Variants in WWC2 observed in about 807,000 individuals in gnomAD.
The protein encoded by WWC2 is WW and C2 domain containing 2, also known as protein WWC2.
WWC2 carries 101 observed loss-of-function variants against 138.5 expected under a neutral mutation model. The ratio of observed to expected loss-of-function variants is 0.73; its 90% CI spans 0.62 to 0.86. The LOEUF is 0.86. WWC2 is among the 40% of genes least tolerant of loss of function. The pLI is 0.00. For missense variants in WWC2, 1,420 were observed against 1,419.4 expected (o/e 1.00, Z -0.01); for synonymous variants, 558 against 538.4 (o/e 1.04, Z -0.50).
chr4:183,239,392 A>T (rs962004855), intron 4 of WWC2, among the ~76,000 whole-genome samples: 6 of 152,124 alleles, frequency 3.9e-5, no homozygotes, highest in African/African-American at 1.4e-4. Context: ...AACCCTTGTG[A>T]GAAGACCTTT....
chr4:183,292,539 C>T (rs1413217523), intron 21 of WWC2, among the ~76,000 whole-genome samples: 1 of 151,004 alleles, frequency 6.6e-6, no homozygotes, highest in African/African-American at 2.4e-5. Flanking sequence ...TTTGGACATA[C>T]GTCTAGGAAA....
chr4:183,182,145 T>G (rs998314186), intron 1 of WWC2, among the ~76,000 whole-genome samples: 1 of 152,228 alleles, frequency 6.6e-6, no homozygotes, highest in African/African-American at 2.4e-5. Context: ...TAAAGTCCTC[T>G]CAGTTTCTTA....
intron 1 of WWC2, among the ~76,000 whole-genome samples, chr4:183,128,210 T>C (rs1198014491): frequency 6.6e-6 from 1 of 152,006 alleles, no homozygotes; most frequent in Non-Finnish European, 1.5e-5. Flanking sequence ...GTGGTGGCAC[T>C]CACCTGTAGT....
chr4:183,301,772 A>G (rs1414076260), intron 21 of WWC2, among the ~76,000 whole-genome samples: 1 of 152,224 alleles, frequency 6.6e-6, no homozygotes, highest in Admixed American at 6.5e-5. Context: ...CAGGTGATGC[A>G]GAACTATATA....
intron 4 of WWC2, among the ~76,000 whole-genome samples, chr4:183,239,044 G>T (rs1313276464): frequency 6.6e-6 from 1 of 152,186 alleles, no homozygotes; most frequent in Non-Finnish European, 1.5e-5. Flanking sequence ...GCTGGGCATG[G>T]TGGCTCACGC....
At chr4:183,186,435 A>G (rs903486436) in intron 1 of WWC2, among the ~76,000 whole-genome samples, 1 of 152,170 alleles carries the variant, frequency 6.6e-6, no homozygotes. Context: ...AGGGCCTCCT[A>G]AAGTCCTCCT....
At chr4:183,119,840 C>G (rs571335674) in intron 1 of WWC2, among the ~76,000 whole-genome samples, 2 of 152,084 alleles carry the variant, frequency 1.3e-5, no homozygotes, top group African/African-American at 4.8e-5. Context: ...CTTAGTACTA[C>G]GTTCATTTTC....
chr4:183,105,309 G>A (rs1006689830), intron 1 of WWC2, among the ~76,000 whole-genome samples: 7 of 152,228 alleles, frequency 4.6e-5, no homozygotes, highest in African/African-American at 1.7e-4. Flanking sequence ...AAGCCCAGGT[G>A]CACCAGGAAA....
At chr4:183,280,148 A>G (rs1197239682) in intron 16 of WWC2, among the ~76,000 whole-genome samples, 1 of 145,774 alleles carries the variant, frequency 6.9e-6, no homozygotes, top group Non-Finnish European at 1.5e-5. Context: ...TCATGTGGGG[A>G]TGTGAATTCC....
chr4:183,298,161 A>C (rs1405761035), intron 21 of WWC2, among the ~76,000 whole-genome samples: 1 of 152,226 alleles, frequency 6.6e-6, no homozygotes, highest in African/African-American at 2.4e-5. Context: ...ACAAAACATG[A>C]AGATACATCT....
chr4:183,265,870 A>G lies in WWC2; in HGVS notation c.2126A>G (p.Asn709Ser). The G allele has an allele frequency of 1.2e-6, 2 of 1,612,906 alleles. No homozygotes were observed. Among genetic ancestry groups the G allele is most frequent in the Non-Finnish European group, 8.5e-7 (1 of 1,179,468 alleles). Residue 709 changes from asparagine (N) to serine (S), a missense_variant, in exon 14 of 23, where the codon AAT becomes AGT. Asn to Ser is a conservative substitution (Grantham distance 46). Coordinates refer to ENST00000403733, the MANE Select transcript of WWC2 (RefSeq NM_024949.6). ...TTTAGCCTCTCTTTTGACAGATACA[A>G]TGCAAAAAGTTCAAGTTTCATGGTG... ...TAQVQIGLRY[N>S]AKSSSFMVII...
At chr4:183,167,559 G>T (rs1432808763) in intron 1 of WWC2, among the ~76,000 whole-genome samples, 2 of 152,126 alleles carry the variant, frequency 1.3e-5, no homozygotes, top group Admixed American at 1.3e-4. Flanking sequence ...GGTCAAAATT[G>T]TTCCAGTTTG....
At chr4:183,103,781 G>C (rs1743262706) in intron 1 of WWC2, among the ~76,000 whole-genome samples, 1 of 150,570 alleles carries the variant, frequency 6.6e-6, no homozygotes, top group Non-Finnish European at 1.5e-5. Context: ...GGGATTACAG[G>C]CACCACCATA....
chr4:183,163,202 T>C (rs1250691016), intron 1 of WWC2, among the ~76,000 whole-genome samples: 1 of 152,176 alleles, frequency 6.6e-6, no homozygotes, highest in East Asian at 1.9e-4. Flanking sequence ...AAAATAAGTG[T>C]CTTGGGAGAT....
At chr4:183,132,815 T>A (rs536166272) in intron 1 of WWC2, among the ~76,000 whole-genome samples, 1 of 152,252 alleles carries the variant, frequency 6.6e-6, no homozygotes, top group Non-Finnish European at 1.5e-5. Flanking sequence ...AGAAGTTATA[T>A]TAAATACATT....
Position 183,229,608 on chromosome 4 carries a change from G to T in WWC2, c.523-10575G>T, listed in dbSNP as rs114006223. Among the ~76,000 whole-genome samples, 894 of 152,120 alleles carry T rather than the reference G, an allele frequency of 5.9e-3. 24 individuals carry two copies. Among genetic ancestry groups the T allele is most frequent in the African/African-American group, 0.021 (860 of 41,396 alleles). The stretch of plus-strand genomic sequence containing the variant: ...ACTCATACATCATTAGATGAGAAGG[G>T]CATGTCACCTCTGTGGTATTCTTTT... On this transcript the variant is annotated intron_variant, in intron 4 of 22. Transcript: ENST00000403733.
intron 4 of WWC2, among the ~76,000 whole-genome samples, chr4:183,238,571 T>C (rs1736506028): frequency 6.6e-6 from 1 of 152,202 alleles, no homozygotes; most frequent in African/African-American, 2.4e-5. Flanking sequence ...CCAGCCACAG[T>C]GGCATTCTTT....
At position 183,290,755 on chromosome 4, in the gene WWC2, T is replaced by A. The variant is rs141881486; in HGVS notation, c.3384+1120T>A. Among the ~76,000 whole-genome samples, 856 of 152,360 alleles carry A rather than the reference T, an allele frequency of 5.6e-3. 6 individuals carry two copies. Among genetic ancestry groups the A allele is most frequent in the Middle Eastern group, 0.01 (3 of 294 alleles). ...AAACATTGTTTTCTATCAGTCCCTTTGGATGGGAATGTAAAATGGATTAGA... is the reference window on the plus strand; with the variant it reads ...AAACATTGTTTTCTATCAGTCCCTTAGGATGGGAATGTAAAATGGATTAGA... On this transcript the variant is annotated intron_variant, in intron 21 of 22. Transcript: ENST00000403733.
At chr4:183,104,529 A>T (rs553325723) in intron 1 of WWC2, among the ~76,000 whole-genome samples, 1 of 152,298 alleles carries the variant, frequency 6.6e-6, no homozygotes, top group South Asian at 2.1e-4. Flanking sequence ...ATGAACCTTG[A>T]TAGTCTTAAT....
Sources: allele counts gnomAD v4.1 joint callset (sites outside exome capture counted in the v4.1 genomes callset), GRCh38; gene constraint gnomAD v4.1.1; transcripts MANE v1.5; gene names NCBI Gene and HGNC (gene_info 2026-07-23, HGNC 2026-07-21).